MGST1: variants seen among roughly 807,000 people sequenced by gnomAD.
The protein encoded by MGST1 is glutathione S-transferase 12.
MGST1 carries 5 observed loss-of-function variants against 8.9 expected under a neutral mutation model. The ratio of observed to expected loss-of-function variants is 0.56; its 90% CI spans 0.29 to 1.19. The LOEUF (loss-of-function observed/expected upper bound fraction) is 1.19. Ranked by LOEUF, MGST1 falls within the 50% of genes most tolerant of loss-of-function variation. The pLI is 0.08. For synonymous variants in MGST1, 54 were observed against 67.8 expected, an observed-to-expected ratio of 0.80 and a Z score of 1.00; for missense variants, 182 against 187.4, an observed-to-expected ratio of 0.97 and a Z score of 0.17.
At chr12:16,394,709 T>G (rs1188028692) in intron 1 of MGST1, among the ~76,000 whole-genome samples, 3 of 152,028 alleles carry the variant, frequency 2.0e-5, no homozygotes, top group Admixed American at 6.6e-5. Context: ...GCAATTCTTG[T>G]GCCTCAGGCT....
chr12:16,406,079 A>G (rs543516867), intron 1 of MGST1, among the ~76,000 whole-genome samples: 3 of 152,266 alleles, frequency 2.0e-5, no homozygotes, highest in Admixed American at 1.3e-4. Context: ...GGCAACAGAA[A>G]GAAAGAAAGG....
chr12:16,461,548 TA>T (rs567018392), intron 4 of MGST1, among the ~76,000 whole-genome samples: 65 of 152,208 alleles, frequency 4.3e-4, no homozygotes, highest in African/African-American at 1.5e-3. Flanking sequence ...ACCAACAATA[TA>T]AAAACTCTCT....
downstream of MGST1, among the ~76,000 whole-genome samples, chr12:16,368,244 A>G (rs74063762): frequency 1.0e-3 from 152 of 152,322 alleles, no homozygotes; most frequent in African/African-American, 3.5e-3. Context: ...TAATGCAGTA[A>G]GGCCCAGTCC....
chr12:16,529,885 T>C (rs1168194263), intron 4 of MGST1, among the ~76,000 whole-genome samples: 1 of 152,104 alleles, frequency 6.6e-6, no homozygotes. Context: ...ACTGCTTTGA[T>C]ATGAAAAAGA....
At chr12:16,385,961 AG>A (rs1315730085) in intron 1 of MGST1, among the ~76,000 whole-genome samples, 1 of 152,186 alleles carries the variant, frequency 6.6e-6, no homozygotes, top group Non-Finnish European at 1.5e-5. Flanking sequence ...CCCTCTTCTC[AG>A]CACACTTGCC....
intron 4 of MGST1, among the ~76,000 whole-genome samples, chr12:16,568,678 C>A (rs181942658): frequency 6.6e-6 from 1 of 152,186 alleles, no homozygotes; most frequent in Non-Finnish European, 1.5e-5. Flanking sequence ...GCATTAAATA[C>A]GTTGTTTAAA....
intron 1 of MGST1, among the ~76,000 whole-genome samples, chr12:16,388,791 C>T (rs980396897): frequency 3.9e-5 from 6 of 152,234 alleles, no homozygotes; most frequent in South Asian, 2.1e-4. Flanking sequence ...TAATGGACCT[C>T]GAGGAACTGG....
chr12:16,357,722 T>C (rs1440691625), intron 3 of MGST1, 23 bp downstream of exon 3: 2 of 1,580,294 alleles, frequency 1.3e-6, no homozygotes, highest in Non-Finnish European at 1.7e-6. Context: ...CTCTTGAAAT[T>C]ACTTACTTTA....
chr12:16,476,023 T>C (rs1016769005), intron 4 of MGST1, among the ~76,000 whole-genome samples: 14 of 152,048 alleles, frequency 9.2e-5, no homozygotes, highest in African/African-American at 3.1e-4. Context: ...TCAGTTTCCA[T>C]TTTCCTACCT....
At chr12:16,379,396 T>C (rs1455658740), downstream of MGST1, among the ~76,000 whole-genome samples, 1 of 152,234 alleles carries the variant, frequency 6.6e-6, no homozygotes, top group East Asian at 1.9e-4. Context: ...TCTACATCTA[T>C]TGAGAAAATC....
chr12:16,445,385 C>T (rs958118438), intron 4 of MGST1, among the ~76,000 whole-genome samples: 2 of 151,882 alleles, frequency 1.3e-5, no homozygotes, highest in African/African-American at 2.4e-5. Flanking sequence ...ATCTTCTACC[C>T]TCCAGGTCTC....
chr12:16,478,001 G>GA (rs1941334850), intron 4 of MGST1, among the ~76,000 whole-genome samples: 2 of 152,110 alleles, frequency 1.3e-5, no homozygotes, highest in Admixed American at 6.5e-5. Flanking sequence ...AGGTATTTTT[G>GA]AAAATCAGGC....
At chr12:16,452,917 G>C (rs776934327) in intron 4 of MGST1, among the ~76,000 whole-genome samples, 1 of 151,778 alleles carries the variant, frequency 6.6e-6, no homozygotes, top group African/African-American at 2.4e-5. Context: ...TATCAATCAT[G>C]GTCTTTCTTT....
At chr12:16,399,840 A>G in intron 1 of MGST1, 1 of 1,222,490 alleles carries the variant, frequency 8.2e-7, no homozygotes, top group Non-Finnish European at 1.2e-6. Flanking sequence ...TTCTTGCTGT[A>G]GTCCTTGTAG....
chr12:16,483,868 T>A (rs139659478), intron 4 of MGST1, among the ~76,000 whole-genome samples: 49 of 152,282 alleles, frequency 3.2e-4, no homozygotes, highest in African/African-American at 1.1e-3. Flanking sequence ...ACTTGTGCCC[T>A]CAGATTATAC....
intron 4 of MGST1, among the ~76,000 whole-genome samples, chr12:16,572,413 T>C (rs1942847835): frequency 6.9e-6 from 1 of 145,868 alleles, no homozygotes; most frequent in African/African-American, 2.5e-5. Flanking sequence ...TTAGAATGTG[T>C]ATCTATCTTC....
In MGST1 at chr12:16,584,251, T is replaced by C. The variant is rs1206641826; in HGVS notation, n.483-5277T>C. On this transcript the variant is annotated intron_variant and non_coding_transcript_variant, in intron 4 of 4. Coordinates refer to the MGST1 transcript ENST00000538857. This position sits in a 1 kb window ranked among gnomAD's most constrained non-coding sequence, Gnocchi z 5.2. ...TGGGGAGAGTTATGTGTATCTAAGA[T>C]TGCCAGTTTCTCCTCTTGGCTTCAT... is the stretch of plus-strand genomic sequence containing the variant. 6.6e-6 allele frequency among the ~76,000 whole-genome samples: 1 copy of C among 152,160 alleles called. No individual in the cohort carries two copies. The highest frequency in any genetic ancestry group is 2.4e-5 in the African/African-American group (1 of 41,452).
intron 4 of MGST1, among the ~76,000 whole-genome samples, chr12:16,447,887 G>A (rs189395051): frequency 3.3e-5 from 5 of 152,018 alleles, no homozygotes; most frequent in Admixed American, 2.6e-4. Context: ...TTCAAAGCTG[G>A]TAACTGCATC....
At chr12:16,467,227 T>C (rs1467122917) in intron 4 of MGST1, among the ~76,000 whole-genome samples, 2 of 152,208 alleles carry the variant, frequency 1.3e-5, no homozygotes, top group Non-Finnish European at 2.9e-5. Flanking sequence ...TCTGGTCTAC[T>C]ACTTATACAT....
Sources: gnomAD v4.1 joint callset for allele counts (sites outside exome capture counted in the v4.1 genomes callset) on GRCh38, gnomAD v4.1.1 for gene constraint, Gnocchi (gnomAD v3.1) non-coding constraint, MANE v1.5 for transcripts, NCBI Gene and HGNC (gene_info 2026-07-23, HGNC 2026-07-21) for gene names.